The following PRKAR1A variants were observed in gnomAD, a reference collection of about 807,000 sequenced individuals.
PRKAR1A encodes protein kinase cAMP-dependent type I regulatory subunit alpha, also known as cAMP-dependent protein kinase type I-alpha regulatory subunit.
PRKAR1A carries 3 observed loss-of-function variants against 52.0 expected under a neutral mutation model. That is an observed-to-expected ratio of 0.06 (90% CI 0.03 to 0.15). The LOEUF is 0.15. Among genes scored for constraint, PRKAR1A ranks in the 10% least tolerant of loss-of-function variants. PRKAR1A has a pLI of 1.00. For missense variants in PRKAR1A, 240 were observed against 477.4 expected, an observed-to-expected ratio of 0.50 and a Z score of 4.63; for synonymous variants, 188 against 168.4, an observed-to-expected ratio of 1.12 and a Z score of -0.90.
chr17:68,421,839 A>G, the PRKAR1A span: 1 of 1,614,126 alleles, frequency 6.2e-7, no homozygotes, highest in Non-Finnish European at 8.5e-7. Context: ...ATCAAAACAG[A>G]ATGGCCTTAC....
At chr17:68,450,917 G>T in the PRKAR1A span, 1 of 1,606,626 alleles carries the variant, frequency 6.2e-7, no homozygotes, top group South Asian at 1.1e-5. Context: ...AAAGCAGCCG[G>T]GAGGTTACAT....
chr17:68,433,356 G>T, the PRKAR1A span: 1 of 1,044,726 alleles, frequency 9.6e-7, no homozygotes, highest in Non-Finnish European at 1.4e-6. Flanking sequence ...GAAGTCCCAA[G>T]TGAAGCCAAG....
the PRKAR1A span, among the ~76,000 whole-genome samples, chr17:68,501,007 C>T: frequency 6.6e-6 from 1 of 152,226 alleles, no homozygotes; most frequent in Admixed American, 6.5e-5. Flanking sequence ...GAACATTTAA[C>T]AGCATGACAG....
chr17:68,474,295 A>T, the PRKAR1A span, among the ~76,000 whole-genome samples: 2 of 152,196 alleles, frequency 1.3e-5, no homozygotes, highest in Admixed American at 6.5e-5. Context: ...AAAGGTAGGG[A>T]GTCAGCTGTC....
chr17:68,467,117 A>G, the PRKAR1A span, among the ~76,000 whole-genome samples: 1 of 152,246 alleles, frequency 6.6e-6, no homozygotes, highest in Non-Finnish European at 1.5e-5. Flanking sequence ...ATGGCTGAAT[A>G]GTATTCCTTT....
At chr17:68,435,760 G>T in the PRKAR1A span, 3 of 1,556,940 alleles carry the variant, frequency 1.9e-6, no homozygotes, top group Admixed American at 1.7e-5. Flanking sequence ...GAGGAGGGAA[G>T]ATGGATTTCA....
the PRKAR1A span, chr17:68,435,767 T>A: frequency 2.7e-6 from 4 of 1,489,504 alleles, no homozygotes; most frequent in East Asian, 9.0e-5. Context: ...GAAGATGGAT[T>A]TCACCTCCCT....
At chr17:68,472,698 C>A in the PRKAR1A span, among the ~76,000 whole-genome samples, 2 of 152,114 alleles carry the variant, frequency 1.3e-5, no homozygotes, top group Admixed American at 6.5e-5. Context: ...GTAATCCCAG[C>A]ACTTTGGGAG....
At chr17:68,430,221 A>G in the PRKAR1A span, 5 of 1,531,692 alleles carry the variant, frequency 3.3e-6, no homozygotes, top group Non-Finnish European at 4.4e-6. Context: ...GCACCCAGGA[A>G]TCTCCACACC....
chr17:68,541,254 C>G, intron 11 of PRKAR1A: 1 of 414,190 alleles, frequency 2.4e-6, no homozygotes, highest in Non-Finnish European at 4.5e-6. Context: ...TGACCCTCAC[C>G]TGCTTCCTCG....
At chr17:68,523,134 C>T (rs1969594053) in intron 3 of PRKAR1A, among the ~76,000 whole-genome samples, 1 of 152,066 alleles carries the variant, frequency 6.6e-6, no homozygotes, top group African/African-American at 2.4e-5. Flanking sequence ...TGAATAATTG[C>T]ATTTTGGGGT....
intron 2 of PRKAR1A, among the ~76,000 whole-genome samples, chr17:68,521,600 C>A (rs1203360622): frequency 6.6e-6 from 1 of 152,186 alleles, no homozygotes; most frequent in Non-Finnish European, 1.5e-5. Flanking sequence ...AATGAGAAAA[C>A]CTTACTGGTT....
At chr17:68,432,192 CA>C in the PRKAR1A span, among the ~76,000 whole-genome samples, 32 of 152,194 alleles carry the variant, frequency 2.1e-4, no homozygotes, top group African/African-American at 7.7e-4. Context: ...GAGCCGCCCC[CA>C]GTGTTTCATA....
Position 68,530,989 on chromosome 17 carries a change from A to AT in PRKAR1A, c.*545dup. ...CTAGTTTAAGGGTGGAAAAATGCCC[A>AT]TTTTTGCTAATTATCAATGGGATAT... On this transcript the variant is annotated 3_prime_UTR_variant, in exon 11 of 11. Coordinates refer to ENST00000589228, the MANE Select transcript of PRKAR1A (RefSeq NM_002734.5). 9.3e-7 allele frequency: 1 copy of AT among 1,075,010 alleles called. No individual in the cohort carries two copies. The highest frequency in any genetic ancestry group is 4.3e-5 in the South Asian group (1 of 23,346). The allele number at this position is 1,075,010 out of a possible 1,614,324, so 66.6% of individuals were successfully genotyped here. A position where few individuals can be genotyped will look rare whatever the true frequency, so the allele number is the denominator to read the frequency against.
At chr17:68,450,708 T>C in the PRKAR1A span, 3 of 1,598,814 alleles carry the variant, frequency 1.9e-6, no homozygotes, top group African/African-American at 4.0e-5. Flanking sequence ...TTTGAAACCC[T>C]GAGGGATTTC....
At chr17:68,453,689 G>A in the PRKAR1A span, among the ~76,000 whole-genome samples, 25 of 152,186 alleles carry the variant, frequency 1.6e-4, no homozygotes, top group African/African-American at 5.5e-4. Flanking sequence ...ATGTTGACTA[G>A]GCTGGTCTTG....
the PRKAR1A span, chr17:68,434,549 C>G: frequency 1.9e-6 from 3 of 1,613,786 alleles, no homozygotes; most frequent in Non-Finnish European, 2.5e-6. Flanking sequence ...TGACATTGAA[C>G]ACAGACCTTT....
At chr17:68,527,546 C>A in intron 7 of PRKAR1A, 1 of 377,336 alleles carries the variant, frequency 2.7e-6, no homozygotes, top group Non-Finnish European at 5.0e-6. Flanking sequence ...ACCGGTATTT[C>A]GACTGTATTT....
chr17:68,527,582 T>C, intron 7 of PRKAR1A: 1 of 437,208 alleles, frequency 2.3e-6, no homozygotes, highest in East Asian at 4.4e-5. Context: ...CTTTGTGAAA[T>C]ATGTCAACAT....
Sources: allele counts gnomAD v4.1 joint callset (sites outside exome capture counted in the v4.1 genomes callset), GRCh38; gene constraint gnomAD v4.1.1; transcripts MANE v1.5; gene names NCBI Gene and HGNC (gene_info 2026-07-23, HGNC 2026-07-21).